The following ZFHX3 variants were observed in gnomAD, a reference collection of about 807,000 sequenced individuals.
The protein encoded by ZFHX3 is zinc finger homeobox protein 3.
ZFHX3 carries 42 observed loss-of-function variants against 279.1 expected under a neutral mutation model. The observed-to-expected ratio is 0.15, with a 90% CI of 0.12 to 0.19. ZFHX3 has a LOEUF of 0.19. Among genes scored for constraint, ZFHX3 ranks in the 10% least tolerant of loss-of-function variants. The pLI, the probability that ZFHX3 is intolerant of heterozygous loss-of-function variation, is 1.00. For synonymous variants in ZFHX3, 2,293 were observed against 1,957.8 expected (o/e 1.17, Z -4.52); for missense variants, 4,981 against 4,754.0 (o/e 1.05, Z -1.40).
intron 5 of ZFHX3, among the ~76,000 whole-genome samples, chr16:73,244,778 G>A (rs1185964228): frequency 2.0e-5 from 3 of 152,156 alleles, no homozygotes. Flanking sequence ...CAGCAACCAG[G>A]AGATCTCCCA....
At chr16:73,623,751 C>A (rs2052390309) in intron 2 of ZFHX3, among the ~76,000 whole-genome samples, 1 of 152,152 alleles carries the variant, frequency 6.6e-6, no homozygotes, top group African/African-American at 2.4e-5. Context: ...GAAAATATAA[C>A]ATCCCCCAAT....
intron 1 of ZFHX3, among the ~76,000 whole-genome samples, chr16:73,714,788 C>T (rs1346955994): frequency 6.6e-6 from 1 of 151,906 alleles, no homozygotes; most frequent in Non-Finnish European, 1.5e-5. Context: ...GGTGTAGTCT[C>T]CCTTTTGTCT....
intron 2 of ZFHX3, among the ~76,000 whole-genome samples, chr16:72,955,729 G>T (rs1961221541): frequency 7.1e-6 from 1 of 139,986 alleles, no homozygotes; most frequent in Non-Finnish European, 1.5e-5. Flanking sequence ...AGTGAGCCGA[G>T]ACGGCACCAC....
chr16:72,841,296 T>C (rs866288264), intron 4 of ZFHX3, among the ~76,000 whole-genome samples: 1 of 152,152 alleles, frequency 6.6e-6, no homozygotes, highest in African/African-American at 2.4e-5. Flanking sequence ...CATGTTTCAG[T>C]TGACATTTCC....
At chr16:73,718,065 C>T (rs1042924282) in intron 1 of ZFHX3, among the ~76,000 whole-genome samples, 1 of 152,182 alleles carries the variant, frequency 6.6e-6, no homozygotes, top group African/African-American at 2.4e-5. Flanking sequence ...TTCTCCACTC[C>T]TCCCAGCCCC....
At chr16:73,748,380 T>TA (rs1344697538) in intron 1 of ZFHX3, among the ~76,000 whole-genome samples, 2 of 152,198 alleles carry the variant, frequency 1.3e-5, no homozygotes, top group Non-Finnish European at 2.9e-5. Context: ...TCATCCCTTT[T>TA]AAAAAACCTA....
intron 4 of ZFHX3, among the ~76,000 whole-genome samples, chr16:73,311,680 G>T (rs1248675691): frequency 1.3e-5 from 2 of 148,836 alleles, no homozygotes; most frequent in African/African-American, 2.5e-5. Context: ...TCTCTTCTTT[G>T]AACTTTTCTA....
At chr16:73,786,156 C>A (rs1039348639) in intron 1 of ZFHX3, among the ~76,000 whole-genome samples, 1 of 152,096 alleles carries the variant, frequency 6.6e-6, no homozygotes, top group Non-Finnish European at 1.5e-5. Context: ...CAGGTGTGAG[C>A]CACCGTGCCC....
At chr16:73,839,332 A>AG (rs1263143249) in intron 1 of ZFHX3, among the ~76,000 whole-genome samples, 12 of 73,928 alleles carry the variant, frequency 1.6e-4, no homozygotes, top group African/African-American at 8.5e-4. Flanking sequence ...ATCTCAAAAA[A>AG]AAAAAAAAAA....
At chr16:73,757,559 C>A (rs554684895) in intron 1 of ZFHX3, among the ~76,000 whole-genome samples, 4 of 152,214 alleles carry the variant, frequency 2.6e-5, no homozygotes, top group Middle Eastern at 3.4e-3. Flanking sequence ...TGGGCACCCA[C>A]CAAGGCTAAG....
At chr16:73,639,457 G>C (rs2052555188) in intron 2 of ZFHX3, among the ~76,000 whole-genome samples, 1 of 152,166 alleles carries the variant, frequency 6.6e-6, no homozygotes, top group African/African-American at 2.4e-5. Flanking sequence ...TCATTGAAGA[G>C]ATCTTTATTA....
intron 4 of ZFHX3, among the ~76,000 whole-genome samples, chr16:72,834,879 G>A (rs866013448): frequency 2.6e-5 from 4 of 152,018 alleles, no homozygotes; most frequent in African/African-American, 7.2e-5. Flanking sequence ...GGTATTCTAC[G>A]AATCACTTAT....
chr16:73,189,344 C>T (rs896956160), intron 5 of ZFHX3, among the ~76,000 whole-genome samples: 1 of 152,210 alleles, frequency 6.6e-6, no homozygotes, highest in South Asian at 2.1e-4. Context: ...TCATTGTTCA[C>T]TGGGGTCGGC....
chr16:73,216,107 G>T (rs976992434), intron 5 of ZFHX3, among the ~76,000 whole-genome samples: 2 of 152,266 alleles, frequency 1.3e-5, no homozygotes, highest in East Asian at 3.9e-4. Context: ...ACCAAAGCAG[G>T]CCTATAGATA....
intron 1 of ZFHX3, among the ~76,000 whole-genome samples, chr16:73,842,293 T>A (rs1254619095): frequency 6.6e-6 from 1 of 152,062 alleles, no homozygotes; most frequent in African/African-American, 2.4e-5. Flanking sequence ...GCTTGATGCT[T>A]CCTGCCACCA....
At chr16:72,893,558 AT>A (rs200494483) in intron 3 of ZFHX3, among the ~76,000 whole-genome samples, 5,920 of 141,530 alleles carry the variant, frequency 0.042, 378 homozygotes, top group African/African-American at 0.15. Context: ...AATGGATATG[AT>A]AAAAGATATT....
chr16:73,198,243 T>G (rs199655411), intron 5 of ZFHX3, among the ~76,000 whole-genome samples: 1 of 152,008 alleles, frequency 6.6e-6, no homozygotes, highest in African/African-American at 2.4e-5. Context: ...AGCCCCTTAT[T>G]TGGTGTTTGA....
intron 2 of ZFHX3, among the ~76,000 whole-genome samples, chr16:73,547,688 T>C (rs2020143189): frequency 6.6e-6 from 1 of 152,140 alleles, no homozygotes; most frequent in Non-Finnish European, 1.5e-5. Context: ...TAAAATGCCT[T>C]ATTTAAACCT....
chr16:73,440,415 G>C (rs888932659), intron 3 of ZFHX3, among the ~76,000 whole-genome samples: 4 of 152,170 alleles, frequency 2.6e-5, no homozygotes, highest in African/African-American at 9.6e-5. Context: ...ACGAACACAA[G>C]ACAGAAAAAC....
Sources: allele counts gnomAD v4.1 joint callset (sites outside exome capture counted in the v4.1 genomes callset), GRCh38; gene constraint gnomAD v4.1.1; transcripts MANE v1.5; gene names NCBI Gene and HGNC (gene_info 2026-07-23, HGNC 2026-07-21).